MYO1C: variants seen among roughly 807,000 people sequenced by gnomAD.
The protein encoded by MYO1C is myosin IC, also known as unconventional myosin-Ic.
In MYO1C, 104 loss-of-function variants were observed where a neutral mutation model predicts 150.8. The ratio of observed to expected loss-of-function variants is 0.69; its 90% CI spans 0.59 to 0.81. The LOEUF (loss-of-function observed/expected upper bound fraction) is 0.81. MYO1C is among the 30% of genes least tolerant of loss of function. The pLI is 0.00. For missense variants in MYO1C, 1,504 were observed against 1,435.0 expected (o/e 1.05, Z -0.78); for synonymous variants, 663 against 579.9 (o/e 1.14, Z -2.06).
intron 1 of MYO1C, chr17:1,484,903 TAG>T: frequency 3.2e-6 from 1 of 310,362 alleles, no homozygotes; most frequent in South Asian, 2.0e-5. Flanking sequence ...CCTCCACCGG[TAG>T]AGCGTCGAGC....
intron 14 of MYO1C, chr17:1,477,234 A>C: frequency 2.5e-6 from 1 of 402,508 alleles, no homozygotes; most frequent in Non-Finnish European, 4.5e-6. Flanking sequence ...GCTGGAGTGC[A>C]GTGGGTTGAT....
At position 1,478,315 on chromosome 17, in the gene MYO1C, G is replaced by A; in HGVS notation, c.1295+95C>T. On this transcript the variant is annotated intron_variant, in intron 11 of 31. Transcript: ENST00000648651. The surrounding 1 kb of genome is among the most constrained non-coding windows in gnomAD (Gnocchi z 6.3). Reference sequence around the variant, plus strand: ...ACACAGAGACAGTCCCCGGCTGGCTGGGGAGTCACAGGGCAGGAATGAGAG... The same window carrying A: ...ACACAGAGACAGTCCCCGGCTGGCTAGGGAGTCACAGGGCAGGAATGAGAG... 1.3e-6 allele frequency: 2 copies of A among 1,566,974 alleles called. No individual in the cohort carries two copies. Among genetic ancestry groups the A allele is most frequent in the Non-Finnish European group, 1.8e-6 (2 of 1,137,586 alleles).
intron 1 of MYO1C, among the ~76,000 whole-genome samples, 184 bp downstream of exon 1, chr17:1,492,229 T>C (rs1331763828): frequency 2.6e-5 from 4 of 152,254 alleles, no homozygotes; most frequent in Admixed American, 2.6e-4. Context: ...AAAATCCTGC[T>C]GCTAGTGGCC....
At chr17:1,481,801 C>T (rs548375274) in intron 5 of MYO1C, among the ~76,000 whole-genome samples, 4 of 148,008 alleles carry the variant, frequency 2.7e-5, no homozygotes, top group South Asian at 4.3e-4. Flanking sequence ...TCACCCAGCC[C>T]GATGACTCCC....
chr17:1,484,134 C>A lies in MYO1C; in HGVS notation c.231+14G>T. 1 of 1,612,482 alleles carries A rather than the reference C, an allele frequency of 6.2e-7. No homozygotes were observed. Among genetic ancestry groups the A allele is most frequent in the Non-Finnish European group, 8.5e-7 (1 of 1,180,018 alleles). On this transcript the variant is annotated intron_variant, in intron 2 of 31. Coordinates refer to ENST00000648651, the MANE Select transcript of MYO1C (RefSeq NM_001080779.2). Reference sequence around the variant, plus strand: ...GACCCCAGCACCCCTGCCATCTCCCCACAAGGGCCTCACGTAGATGAGATT... The same window carrying A: ...GACCCCAGCACCCCTGCCATCTCCCAACAAGGGCCTCACGTAGATGAGATT...
At position 1,474,877 on chromosome 17, in the gene MYO1C, C is replaced by A. The variant is rs375413069; in HGVS notation, c.1670-19G>T. On this transcript the variant is annotated intron_variant, in intron 15 of 31. Coordinates refer to ENST00000648651, the MANE Select transcript of MYO1C (RefSeq NM_001080779.2). ...AGAAACCCTGGGAGGGGAGAACCGA[C>A]GTGAGGTGAGACAGAGCCTCCCCGC... 21 of 1,613,776 alleles carry A rather than the reference C, an allele frequency of 1.3e-5. No homozygotes were observed. In the South Asian group the frequency reaches 1.8e-4, roughly 14 times the overall value.
chr17:1,485,764 C>T (rs2074642099), intron 1 of MYO1C: 2 of 1,061,554 alleles, frequency 1.9e-6, no homozygotes, highest in Admixed American at 5.4e-5. Flanking sequence ...GGGTCCCGGG[C>T]TCGGCGGCGG....
At chr17:1,470,782 G>A (rs746252056) in intron 21 of MYO1C, 93 bp from the exon 22 acceptor site, 1 of 1,354,712 alleles carries the variant, frequency 7.4e-7, no homozygotes, top group East Asian at 2.4e-5. Context: ...ATGAATGGGA[G>A]AGTGGCTGAA....
intron 1 of MYO1C, chr17:1,485,884 G>T: frequency 4.9e-6 from 1 of 204,538 alleles, no homozygotes; most frequent in Non-Finnish European, 8.7e-6. Flanking sequence ...CCGGGCTGGG[G>T]TCCCCTCCAG....
chr17:1,486,164 T>TC (rs1471521247), intron 1 of MYO1C: 1 of 151,424 alleles, frequency 6.6e-6, no homozygotes, highest in Non-Finnish European at 1.5e-5. Flanking sequence ...CGAACTCGAG[T>TC]CCCGGGAAAG....
chr17:1,465,726 T>C lies in MYO1C; in HGVS notation c.3192A>G (p.Ter1064TrpextTer1), dbSNP rs930904559. The C allele has an allele frequency of 1.1e-4, 149 of 1,324,616 alleles. No homozygotes were observed. The highest frequency in any genetic ancestry group is 1.4e-4 in the Non-Finnish European group (147 of 1,027,502). The allele number at this position is 1,324,616 out of a possible 1,614,324, so 82.1% of individuals were successfully genotyped here. ...AVVAPRLNSR[*>W] ...TGGGAGGGTCCAGTGGGCGCCTTTA[T>C]CACCGAGAATTCAGCCGTGGGGCGA... is the stretch of plus-strand genomic sequence containing the variant. The change falls in exon 32 of 32, where the codon TGA becomes TGG. Residue 1064 changes from the stop codon to tryptophan, a stop_lost. Transcript: ENST00000648651.
At chr17:1,473,815 A>G (rs568670412) in intron 17 of MYO1C, among the ~76,000 whole-genome samples, 89 of 151,710 alleles carry the variant, frequency 5.9e-4, no homozygotes, top group Non-Finnish European at 1.1e-3. Context: ...GTCATCTCCA[A>G]TGCTTCCTCC....
Position 1,469,577 on chromosome 17 carries a change from A to G in MYO1C, c.2564T>C (p.Met855Thr). 1 of 1,613,300 alleles carries G rather than the reference A, an allele frequency of 6.2e-7. No homozygotes were observed. Among genetic ancestry groups the G allele is most frequent in the Non-Finnish European group, 8.5e-7 (1 of 1,179,738 alleles). The stretch of plus-strand genomic sequence containing the variant: ...GATACTCCGGCAGTATTTCCACACC[A>G]TGTTCTTTATGCACAACTCCCGCAG... ...ELLRELCIKN[M>T]VWKYCRSISP... Residue 855 changes from methionine (M) to threonine (T), a missense_variant, in exon 25 of 32, where the codon ATG (methionine) becomes ACG (threonine). Met to Thr is a moderately conservative substitution (Grantham distance 81). Coordinates refer to ENST00000648651, the MANE Select transcript of MYO1C (RefSeq NM_001080779.2).
At chr17:1,484,491 A>G (rs2074610386) in intron 1 of MYO1C, 188 bp from the exon 2 acceptor site, 1 of 684,346 alleles carries the variant, frequency 1.5e-6, no homozygotes, top group Non-Finnish European at 2.5e-6. Context: ...GGGTGCGGAA[A>G]GCCGGGTGTG....
intron 17 of MYO1C, among the ~76,000 whole-genome samples, chr17:1,473,464 G>A (rs1277349448): frequency 6.6e-6 from 1 of 152,032 alleles, no homozygotes; most frequent in Non-Finnish European, 1.5e-5. Flanking sequence ...TTCGGGAGAG[G>A]GTGGGGTGGA....
rs1268667625 is a variant in MYO1C, at chr17:1,472,276, T to C, written c.1798-48A>G. The C allele has an allele frequency of 8.4e-6, 13 of 1,546,782 alleles. No homozygotes were observed. In the East Asian group the frequency reaches 2.9e-4, roughly 35 times the overall value. On this transcript the variant is annotated intron_variant, in intron 17 of 31. Transcript: ENST00000648651. ...AGGTTGGCCGGAGCTGGGCTAAAGC[T>C]GCTGACCCCAGCAGCGAGTACCCCA...
intron 3 of MYO1C, 44 bp from the exon 4 acceptor site, chr17:1,483,103 C>A (rs750427559): frequency 1.3e-6 from 2 of 1,537,384 alleles, no homozygotes; most frequent in Admixed American, 1.9e-5. Context: ...GGGGGCCAAG[C>A]AGAGCCCCAC....
chr17:1,471,007 G>A (rs1000731893), intron 21 of MYO1C, 64 bp downstream of exon 21: 20 of 1,546,422 alleles, frequency 1.3e-5, no homozygotes, highest in Non-Finnish European at 1.8e-5. Flanking sequence ...GGAGCCCAAG[G>A]GAGTGACTTC....
chr17:1,472,203 A>T lies in MYO1C; in HGVS notation c.1823T>A (p.Leu608His), dbSNP rs1374096012. ...CTGCAGGATCTCCACCAGCTGCAGG[A>T]GGCTCATCTTGAACTGGGTGGCGAC... ...ETVATQFKMS[L>H]LQLVEILQSK... Residue 608 changes from leucine to histidine, a missense_variant, in exon 18 of 32, where the codon CTC becomes CAC. Physicochemically the swap from Leu to His is moderately conservative, Grantham distance 99. Transcript: ENST00000648651. 1.2e-6 allele frequency: 2 copies of T among 1,614,084 alleles called. No individual in the cohort carries two copies. Among genetic ancestry groups the T allele is most frequent in the South Asian group, 2.2e-5 (2 of 91,082 alleles).
Sources: gnomAD v4.1 joint callset for allele counts (sites outside exome capture counted in the v4.1 genomes callset) on GRCh38, gnomAD v4.1.1 for gene constraint, Gnocchi (gnomAD v3.1) non-coding constraint, MANE v1.5 for transcripts, NCBI Gene and HGNC (gene_info 2026-07-23, HGNC 2026-07-21) for gene names.